Variants in PTPRT observed in about 807,000 individuals in gnomAD.
PTPRT encodes the protein protein tyrosine phosphatase receptor type T.
A neutral mutation model predicts 176.8 loss-of-function variants in PTPRT; 56 were observed. The observed-to-expected ratio is 0.32, with a 90% CI of 0.26 to 0.40. PTPRT has a LOEUF of 0.40. Ranked by LOEUF, PTPRT falls within the 10% of genes least tolerant of loss-of-function variation. PTPRT has a pLI of 1.00. For synonymous variants in PTPRT, 783 were observed against 739.0 expected (o/e 1.06, Z -0.96); for missense variants, 1,540 against 1,908.2 (o/e 0.81, Z 3.60).
chr20:42,199,129 A>G (rs912661686), intron 16 of PTPRT, 111 bp downstream of exon 16: 31 of 1,299,176 alleles, frequency 2.4e-5, no homozygotes, highest in African/African-American at 3.0e-5. Flanking sequence ...TCAGGCAAGC[A>G]TCCATACCCT....
chr20:42,635,841 T>G (rs2074585038), intron 7 of PTPRT, among the ~76,000 whole-genome samples: 1 of 152,178 alleles, frequency 6.6e-6, no homozygotes, highest in Non-Finnish European at 1.5e-5. Context: ...CTGAATAGTA[T>G]CTGTAAACTG....
At chr20:42,999,831 C>A (rs1984451676) in intron 1 of PTPRT, among the ~76,000 whole-genome samples, 1 of 151,820 alleles carries the variant, frequency 6.6e-6, no homozygotes, top group Admixed American at 6.6e-5. Flanking sequence ...TGACTCTGAG[C>A]CCACATCTCA....
chr20:43,183,394 T>A (rs191724749), intron 1 of PTPRT, among the ~76,000 whole-genome samples: 1 of 152,306 alleles, frequency 6.6e-6, no homozygotes, highest in East Asian at 1.9e-4. Flanking sequence ...AGCCCCATTT[T>A]ACAGATGCAG....
intron 1 of PTPRT, among the ~76,000 whole-genome samples, chr20:43,077,106 C>T (rs2011298822): frequency 6.6e-6 from 1 of 152,146 alleles, no homozygotes; most frequent in African/African-American, 2.4e-5. Flanking sequence ...TTAATTTCAC[C>T]TCCACTCAAT....
At chr20:43,117,830 T>A in intron 1 of PTPRT, among the ~76,000 whole-genome samples, 1 of 152,196 alleles carries the variant, frequency 6.6e-6, no homozygotes, top group South Asian at 2.1e-4. Flanking sequence ...TCATTTAAGG[T>A]CAACCTCACT....
intron 7 of PTPRT, among the ~76,000 whole-genome samples, chr20:42,562,186 C>T (rs2072963314): frequency 6.6e-6 from 1 of 152,228 alleles, no homozygotes; most frequent in Admixed American, 6.5e-5. Context: ...TCTATACATT[C>T]ACATACCTGT....
intron 1 of PTPRT, among the ~76,000 whole-genome samples, chr20:43,057,461 GAAAGGAA>G (rs1987292117): frequency 6.6e-6 from 1 of 151,756 alleles, no homozygotes; most frequent in African/African-American, 2.4e-5. Flanking sequence ...GGGTTGAAAG[GAAAGGAA>G]AAAGGAAAAG....
At chr20:42,468,282 T>G (rs769113417) in intron 8 of PTPRT, among the ~76,000 whole-genome samples, 14 of 150,970 alleles carry the variant, frequency 9.3e-5, no homozygotes, top group Non-Finnish European at 1.6e-4. Flanking sequence ...CGGAGGGGGG[T>G]TTCAGTTAAT....
At chr20:42,488,713 C>T (rs1228999385) in intron 7 of PTPRT, among the ~76,000 whole-genome samples, 2 of 151,766 alleles carry the variant, frequency 1.3e-5, no homozygotes, top group Admixed American at 6.6e-5. Flanking sequence ...GCCTGTAATC[C>T]CAGTACTTTG....
intron 8 of PTPRT, among the ~76,000 whole-genome samples, chr20:42,451,857 T>C (rs917337753): frequency 6.6e-6 from 1 of 152,038 alleles, no homozygotes; most frequent in Non-Finnish European, 1.5e-5. Context: ...GTGAGGCAAG[T>C]AAACAATGCT....
chr20:42,136,750 A>G lies in PTPRT; in HGVS notation c.2770+5165T>C, dbSNP rs1235207520. Among the ~76,000 whole-genome samples, 3 of 152,206 alleles carry G rather than the reference A, an allele frequency of 2.0e-5. No homozygotes were observed. The East Asian group carries it at 5.8e-4, about 29-fold the overall frequency. On this transcript the variant is annotated intron_variant, in intron 18 of 30. Coordinates refer to ENST00000373187, the MANE Select transcript of PTPRT (RefSeq NM_007050.6). The stretch of plus-strand genomic sequence containing the variant: ...GATTTCTTCAAAAGAAGAACATGAG[A>G]TATGTATTTGGATGCAAGTAGTTGT...
intron 9 of PTPRT, among the ~76,000 whole-genome samples, chr20:42,387,913 T>C (rs2058760193): frequency 6.6e-6 from 1 of 151,786 alleles, no homozygotes; most frequent in African/African-American, 2.4e-5. Context: ...TGCCTCAGCC[T>C]CCTGAGTGGC....
rs145023790 is a variant in PTPRT, at chr20:42,851,074, G to A, written c.214+34733C>T. Among the ~76,000 whole-genome samples the A allele has an allele frequency of 2.6e-5, 4 of 152,132 alleles. No individual in the cohort carries two copies. The East Asian group carries it at 7.7e-4, about 29-fold the overall frequency. Reference sequence around the variant, plus strand: ...TAATTACAGCTGTTCCTTCCTGTTGGCCATTCTCCACTGTTTCAAACATCC... The same window carrying A: ...TAATTACAGCTGTTCCTTCCTGTTGACCATTCTCCACTGTTTCAAACATCC... On this transcript the variant is annotated intron_variant, in intron 2 of 30. Transcript: ENST00000373187.
chr20:43,069,824 G>A (rs1191920759), intron 1 of PTPRT, among the ~76,000 whole-genome samples: 1 of 152,148 alleles, frequency 6.6e-6, no homozygotes, highest in Non-Finnish European at 1.5e-5. Context: ...CTTGCATAGT[G>A]GTTACTCCAG....
At chr20:42,098,687 A>C in intron 26 of PTPRT, 135 bp from the exon 27 acceptor site, 1 of 1,173,950 alleles carries the variant, frequency 8.5e-7, no homozygotes, top group Non-Finnish European at 1.2e-6. Context: ...CTGTTCTTTT[A>C]TCTCTCCACG....
intron 9 of PTPRT, among the ~76,000 whole-genome samples, chr20:42,422,024 T>G (rs888771923): frequency 1.6e-4 from 24 of 152,116 alleles, no homozygotes; most frequent in African/African-American, 5.3e-4. Context: ...AAACTAAACC[T>G]TTTCCTTACA....
intron 1 of PTPRT, among the ~76,000 whole-genome samples, chr20:43,157,877 CTAAA>C (rs1341727718): frequency 2.0e-5 from 3 of 152,124 alleles, no homozygotes; most frequent in African/African-American, 7.2e-5. Context: ...GTTACAGGGA[CTAAA>C]TAGTCATGGG....
At chr20:42,463,034 T>G (rs1454636276) in intron 8 of PTPRT, among the ~76,000 whole-genome samples, 3 of 152,120 alleles carry the variant, frequency 2.0e-5, no homozygotes, top group African/African-American at 7.2e-5. Flanking sequence ...TCCAGAAGGC[T>G]AAAAGGCTGT....
chr20:42,620,206 G>A lies in PTPRT; in HGVS notation c.1153+57660C>T, dbSNP rs576346603. Among the ~76,000 whole-genome samples the A allele has an allele frequency of 4.0e-4, 60 of 149,394 alleles. 1 individual carries two copies. Among genetic ancestry groups the A allele is most frequent in the Non-Finnish European group, 2.1e-4 (14 of 67,480 alleles). ...TCTGTTGGAATACCCTGCCTTGTGA[G>A]GTGTCAGTGTGCCCCTGCTGGGGGG... On this transcript the variant is annotated intron_variant, in intron 7 of 30. Transcript: ENST00000373187.
Sources: gnomAD v4.1 joint callset for allele counts (sites outside exome capture counted in the v4.1 genomes callset) on GRCh38, gnomAD v4.1.1 for gene constraint, MANE v1.5 for transcripts, NCBI Gene and HGNC (gene_info 2026-07-23, HGNC 2026-07-21) for gene names.